The following MAPRE3 variants were observed in gnomAD, a reference collection of about 807,000 sequenced individuals.
MAPRE3 encodes microtubule-associated protein RP/EB family member 3.
MAPRE3 carries 2 observed loss-of-function variants against 30.5 expected under a neutral mutation model. That is an observed-to-expected ratio of 0.07 (90% CI 0.03 to 0.21). MAPRE3 has a LOEUF of 0.21. MAPRE3 is among the 10% of genes least tolerant of loss of function. MAPRE3 has a pLI of 1.00. For synonymous variants in MAPRE3, 110 were observed against 127.7 expected, an observed-to-expected ratio of 0.86 and a Z score of 0.93; for missense variants, 204 against 351.8, an observed-to-expected ratio of 0.58 and a Z score of 3.36.
chr2:27,009,026 G>A (rs1011049113), intron 1 of MAPRE3, among the ~76,000 whole-genome samples: 1 of 151,784 alleles, frequency 6.6e-6, no homozygotes, highest in Admixed American at 6.6e-5. Context: ...GAACAGGTCT[G>A]TGGTGGCCAG....
Position 27,019,354 on chromosome 2 carries a change from C to CGG in MAPRE3, c.-7-2853_-7-2852dup, listed in dbSNP as rs1439868757. ...CTGAGTGCTGGGGGAGGGAGGATGGCGGGGGGATGGTGGGGGTATGGCAGG... is the reference window on the plus strand; with the variant it reads ...CTGAGTGCTGGGGGAGGGAGGATGGCGGGGGGGGATGGTGGGGGTATGGCAGG... On this transcript the variant is annotated intron_variant, in intron 1 of 6. Coordinates refer to ENST00000233121, the MANE Select transcript of MAPRE3 (RefSeq NM_012326.4). 6.6e-4 allele frequency among the ~76,000 whole-genome samples: 5 copies of CGG among 7,628 alleles called. No individual in the cohort carries two copies. The Admixed American group carries it at 6.8e-3, about 10-fold the overall frequency. 5.0% of individuals were successfully genotyped at this position (7,628 alleles called of 152,430 possible). A position where few individuals can be genotyped will look rare whatever the true frequency, so the allele number is the denominator to read the frequency against.
chr2:27,019,893 C>T (rs72808908), intron 1 of MAPRE3, among the ~76,000 whole-genome samples: 15,413 of 152,218 alleles, frequency 0.1, 1,061 homozygotes, highest in Non-Finnish European at 0.15. Flanking sequence ...GTAAGTGGCA[C>T]ACAGCTCTGC....
chr2:26,972,689 A>T (rs963735870), intron 1 of MAPRE3, among the ~76,000 whole-genome samples: 5 of 152,220 alleles, frequency 3.3e-5, no homozygotes, highest in African/African-American at 1.2e-4. Context: ...GGAATCAGCG[A>T]TATTACTGGG....
chr2:27,022,187 C>T, intron 1 of MAPRE3, 25 bp from the exon 2 acceptor site: 3 of 1,611,108 alleles, frequency 1.9e-6, no homozygotes, highest in Non-Finnish European at 2.5e-6. Context: ...CCAGTGCTGA[C>T]CTCACCTTTC....
intron 1 of MAPRE3, among the ~76,000 whole-genome samples, chr2:26,995,780 G>GGTT (rs1553327979): frequency 9.1e-6 from 1 of 109,638 alleles, no homozygotes. Flanking sequence ...TTCTAAGAGA[G>GGTT]GTGTGTGTGT....
At chr2:27,017,977 A>G (rs1360247012) in intron 1 of MAPRE3, among the ~76,000 whole-genome samples, 1 of 152,226 alleles carries the variant, frequency 6.6e-6, no homozygotes, top group African/African-American at 2.4e-5. Flanking sequence ...AACCATTAGC[A>G]GGTCCAATCC....
chr2:27,017,992 G>A (rs1667025335), intron 1 of MAPRE3, among the ~76,000 whole-genome samples: 2 of 152,296 alleles, frequency 1.3e-5, no homozygotes, highest in Admixed American at 6.5e-5. Flanking sequence ...CAATCCTGTG[G>A]AACCAGGAAA....
chr2:26,979,570 A>C (rs754892312), intron 1 of MAPRE3, among the ~76,000 whole-genome samples: 6 of 152,214 alleles, frequency 3.9e-5, no homozygotes, highest in Non-Finnish European at 7.3e-5. Context: ...TGGGTGGCAG[A>C]GTAAGGGCCA....
chr2:27,008,892 G>A (rs992784631), intron 1 of MAPRE3, among the ~76,000 whole-genome samples: 2 of 152,260 alleles, frequency 1.3e-5, no homozygotes, highest in South Asian at 2.1e-4. Flanking sequence ...CCATTAATCC[G>A]TGCAACAACT....
chr2:26,976,680 T>C (rs2148195802), intron 1 of MAPRE3, among the ~76,000 whole-genome samples: 1 of 152,344 alleles, frequency 6.6e-6, no homozygotes, highest in African/African-American at 2.4e-5. Context: ...GGACTTGTCC[T>C]ATCTAAAATG....
chr2:26,984,165 A>C (rs763999803), intron 1 of MAPRE3, among the ~76,000 whole-genome samples: 19 of 152,234 alleles, frequency 1.2e-4, no homozygotes, highest in Non-Finnish European at 2.6e-4. Flanking sequence ...ATTTTCAGAG[A>C]AACTTGTAAG....
At chr2:26,978,767 C>G (rs1430184681) in intron 1 of MAPRE3, among the ~76,000 whole-genome samples, 3 of 152,208 alleles carry the variant, frequency 2.0e-5, no homozygotes, top group African/African-American at 7.2e-5. Flanking sequence ...CTTCATCAAG[C>G]CCTTTCTCTG....
chr2:26,976,410 T>C (rs1432044939), intron 1 of MAPRE3, among the ~76,000 whole-genome samples: 1 of 152,234 alleles, frequency 6.6e-6, no homozygotes, highest in East Asian at 1.9e-4. Flanking sequence ...GTAATTCACA[T>C]TCCATCACCC....
chr2:26,994,560 A>G (rs1328019730), intron 1 of MAPRE3, among the ~76,000 whole-genome samples: 1 of 152,176 alleles, frequency 6.6e-6, no homozygotes, highest in Non-Finnish European at 1.5e-5. Flanking sequence ...TTCCATAATA[A>G]GCCATCCCCT....
intron 2 of MAPRE3, chr2:27,022,986 C>T (rs974363217): frequency 1.6e-5 from 3 of 190,532 alleles, no homozygotes; most frequent in Admixed American, 1.1e-4. Flanking sequence ...GCTCTCAGCT[C>T]TTCTGGTGGT....
At chr2:26,988,519 A>C (rs1666264299) in intron 1 of MAPRE3, among the ~76,000 whole-genome samples, 1 of 152,238 alleles carries the variant, frequency 6.6e-6, no homozygotes, top group South Asian at 2.1e-4. Flanking sequence ...ACCAGAAAGG[A>C]GACTGAAGTT....
chr2:27,024,286 T>C lies in MAPRE3; in HGVS notation c.458T>C (p.Ile153Thr), dbSNP rs757984031. ...DQIFNKSKKLIGTAVPQRTSP... is the reference protein window; with the variant it reads ...DQIFNKSKKLTGTAVPQRTSP... ...ATCTTCAACAAATCCAAGAAACTCA[T>C]TGGCACAGCAGGTAACGTGCCCGAG... Residue 153 changes from isoleucine to threonine, a missense_variant, in exon 4 of 7, where the codon ATT becomes ACT. This residue lies in a region of MAPRE3 where 101 missense variants were observed against 205.4 expected (regional missense o/e 0.49). Transcript: ENST00000233121. The C allele has an allele frequency of 5.6e-6, 9 of 1,613,728 alleles. No individual in the cohort carries two copies. Among genetic ancestry groups the C allele is most frequent in the South Asian group, 4.4e-5 (4 of 91,062 alleles).
intron 2 of MAPRE3, among the ~76,000 whole-genome samples, 195 bp from the exon 3 acceptor site, chr2:27,023,137 T>A (rs1667146434): frequency 6.6e-6 from 1 of 152,224 alleles, no homozygotes; most frequent in African/African-American, 2.4e-5. Flanking sequence ...TGGTTCATAA[T>A]ACGCATCAAT....
chr2:27,024,569 C>T (rs918855417), intron 4 of MAPRE3, among the ~76,000 whole-genome samples: 5 of 152,218 alleles, frequency 3.3e-5, no homozygotes, highest in African/African-American at 4.8e-5. Flanking sequence ...TTTCATAGCA[C>T]GAGCTAACTT....
Sources: allele counts gnomAD v4.1 joint callset (sites outside exome capture counted in the v4.1 genomes callset), GRCh38; gene constraint gnomAD v4.1.1; regional missense constraint gnomAD v4.1.1; transcripts MANE v1.5; gene names NCBI Gene and HGNC (gene_info 2026-07-23, HGNC 2026-07-21).